Variants in CERS5 observed in about 807,000 individuals in gnomAD.
CERS5 encodes LAG1 homolog, ceramide synthase 5.
CERS5 carries 37 observed loss-of-function variants against 58.9 expected under a neutral mutation model. That is an observed-to-expected ratio of 0.63 (90% CI 0.48 to 0.83). The LOEUF is 0.83. Among genes scored for constraint, CERS5 ranks in the 40% least tolerant of loss-of-function variants. CERS5 has a pLI of 0.00. For synonymous variants in CERS5, 147 were observed against 177.8 expected (o/e 0.83, Z 1.38); for missense variants, 398 against 489.3 (o/e 0.81, Z 1.76).
chr12:50,131,446 C>A (rs1316646244), intron 9 of CERS5, among the ~76,000 whole-genome samples: 2 of 151,378 alleles, frequency 1.3e-5, no homozygotes, highest in Non-Finnish European at 2.9e-5. Context: ...GTAATCCCAG[C>A]TACTCAGGAG....
At chr12:50,157,035 A>C (rs552524519) in intron 1 of CERS5, among the ~76,000 whole-genome samples, 4 of 152,228 alleles carry the variant, frequency 2.6e-5, no homozygotes, top group Non-Finnish European at 5.9e-5. Context: ...AGCCACCCTT[A>C]ATCTGGGTGG....
At chr12:50,138,517 C>G in intron 5 of CERS5, 50 bp downstream of exon 5, 1 of 1,501,882 alleles carries the variant, frequency 6.7e-7, no homozygotes, top group South Asian at 1.1e-5. Context: ...CTCACTCACT[C>G]CACCTTATAC....
chr12:50,132,990 G>A (rs1238138977), intron 9 of CERS5: 2 of 1,288,974 alleles, frequency 1.6e-6, no homozygotes, highest in Non-Finnish European at 2.0e-6. Flanking sequence ...TCCAGCTCCC[G>A]CCAGGCATAG....
At chr12:50,133,839 C>A in intron 9 of CERS5, 1 of 822,770 alleles carries the variant, frequency 1.2e-6, no homozygotes, top group Non-Finnish European at 1.5e-6. Flanking sequence ...TTCGGGAGGC[C>A]AAGGTGGGCA....
At chr12:50,141,445 T>C (rs1951966433) in intron 4 of CERS5, among the ~76,000 whole-genome samples, 1 of 152,198 alleles carries the variant, frequency 6.6e-6, no homozygotes. Context: ...TTTCTCCTCC[T>C]TCAATTTTTG....
At chr12:50,147,025 A>G (rs1214082604) in intron 1 of CERS5, among the ~76,000 whole-genome samples, 1 of 152,174 alleles carries the variant, frequency 6.6e-6, no homozygotes, top group Non-Finnish European at 1.5e-5. Flanking sequence ...CTTACTGAAG[A>G]AAGTGAAATT....
chr12:50,143,194 T>G lies in CERS5; in HGVS notation c.314A>C (p.Lys105Thr). 1 of 1,614,112 alleles carries G rather than the reference T, an allele frequency of 6.2e-7. No homozygotes were observed. Among genetic ancestry groups the G allele is most frequent in the Middle Eastern group, 1.7e-4 (1 of 6,060 alleles). ...CTTTGACAGGCCCTCCAGCCTTTTCTTATCAGGATACTGTGAATGTATAAC... is the reference window on the plus strand; with the variant it reads ...CTTTGACAGGCCCTCCAGCCTTTTCGTATCAGGATACTGTGAATGTATAAC... The part of the protein sequence containing the change: ...VFISITKYPD[K>T]KRLEGLSKQL... The change falls in exon 3 of 10, where the codon AAG (lysine) becomes ACG (threonine). Residue 105 changes from lysine to threonine, a missense_variant. Physicochemically the swap from Lys to Thr is moderately conservative, Grantham distance 78. Coordinates refer to ENST00000317551, the MANE Select transcript of CERS5 (RefSeq NM_147190.5).
chr12:50,153,073 A>G (rs1229263890), intron 1 of CERS5, among the ~76,000 whole-genome samples: 1 of 151,730 alleles, frequency 6.6e-6, no homozygotes, highest in East Asian at 1.9e-4. Context: ...TTGTCTCAAA[A>G]TAATAATAAT....
At chr12:50,150,330 C>T (rs1377569359) in intron 1 of CERS5, among the ~76,000 whole-genome samples, 1 of 152,102 alleles carries the variant, frequency 6.6e-6, no homozygotes, top group East Asian at 1.9e-4. Context: ...CACTACACTC[C>T]AGCCTGGGTG....
intron 3 of CERS5, among the ~76,000 whole-genome samples, chr12:50,142,504 T>G (rs1952025955): frequency 1.4e-5 from 2 of 144,618 alleles, no homozygotes; most frequent in South Asian, 4.4e-4. Flanking sequence ...GAGCAGAGAC[T>G]GTGCCACTAC....
intron 1 of CERS5, among the ~76,000 whole-genome samples, chr12:50,149,205 T>A (rs1467570333): frequency 6.6e-6 from 1 of 152,060 alleles, no homozygotes; most frequent in Non-Finnish European, 1.5e-5. Context: ...TTCTCCAGGA[T>A]CAATCCACAT....
At chr12:50,135,068 G>A (rs1951557437) in intron 8 of CERS5, among the ~76,000 whole-genome samples, 1 of 147,588 alleles carries the variant, frequency 6.8e-6, no homozygotes, top group African/African-American at 2.5e-5. Flanking sequence ...CCATAGAGCA[G>A]TGAATGTAAA....
rs2293556 is a variant in CERS5, at chr12:50,130,081, A to G, written c.*464T>C. The G allele has an allele frequency of 1.8e-3, 273 of 153,754 alleles. 7 individuals are homozygous for G. The East Asian group carries it at 0.049, about 28-fold the overall frequency. 9.5% of individuals were successfully genotyped at this position (153,754 alleles called of 1,614,324 possible). ...CATATTCCAGCTGTGAAAGAGGAAC[A>G]GTACAGAAATGTGGGACTGAACTTG... On this transcript the variant is annotated 3_prime_UTR_variant, in exon 10 of 10. Transcript: ENST00000317551.
At chr12:50,155,895 G>A (rs1272553123) in intron 1 of CERS5, among the ~76,000 whole-genome samples, 1 of 151,410 alleles carries the variant, frequency 6.6e-6, no homozygotes, top group Non-Finnish European at 1.5e-5. Context: ...CTGTGGTCAG[G>A]AGTTTGAGAC....
intron 9 of CERS5, among the ~76,000 whole-genome samples, chr12:50,132,064 C>A (rs1951357390): frequency 6.6e-6 from 1 of 151,740 alleles, no homozygotes; most frequent in Admixed American, 6.6e-5. Context: ...ATGATTGCGC[C>A]ACTGTACTCC....
rs112374533 is a variant in CERS5 at position 50,159,304 on chromosome 12, C to A, written c.197+7797G>T. Reference sequence around the variant, plus strand: ...CCACTGCACTACAGCCTGGGCGACACAGGGCGAGACTCTGTCTCAAAAAAA... The same window carrying A: ...CCACTGCACTACAGCCTGGGCGACAAAGGGCGAGACTCTGTCTCAAAAAAA... On this transcript the variant is annotated intron_variant, in intron 1 of 9. Coordinates refer to ENST00000317551, the MANE Select transcript of CERS5 (RefSeq NM_147190.5). Among the ~76,000 whole-genome samples the A allele has an allele frequency of 6.6e-3, 1,003 of 152,194 alleles. 10 individuals are homozygous for A. The highest frequency in any genetic ancestry group is 0.011 in the Non-Finnish European group (732 of 68,014).
At chr12:50,130,811 A>C (rs964654940) in intron 9 of CERS5, 117 bp from the exon 10 acceptor site, 12 of 849,098 alleles carry the variant, frequency 1.4e-5, no homozygotes, top group Admixed American at 2.7e-5. Context: ...GATGACATCT[A>C]ACTCAAAGAA....
Position 50,130,295 on chromosome 12 carries a change from G to A in CERS5, c.*250C>T, listed in dbSNP as rs1023139880. On this transcript the variant is annotated 3_prime_UTR_variant, in exon 10 of 10. Coordinates refer to ENST00000317551, the MANE Select transcript of CERS5 (RefSeq NM_147190.5). ...CCCCAACCCCGGCAATGAAACTCAC[G>A]CATATGCACAAACGCACATCAACAA... 2.0e-5 allele frequency: 7 copies of A among 341,484 alleles called. No individual in the cohort carries two copies. The highest frequency in any genetic ancestry group is 1.3e-4 in the African/African-American group (6 of 47,266). 21.2% of individuals were successfully genotyped at this position (341,484 alleles called of 1,614,324 possible). A position where few individuals can be genotyped will look rare whatever the true frequency, so the allele number is the denominator to read the frequency against.
intron 1 of CERS5, chr12:50,144,612 T>C (rs1415982704): frequency 6.8e-6 from 3 of 439,574 alleles, no homozygotes; most frequent in Non-Finnish European, 1.2e-5. Context: ...GATACCTTCC[T>C]GCCTAACCAA....
Sources: allele counts gnomAD v4.1 joint callset (sites outside exome capture counted in the v4.1 genomes callset), GRCh38; gene constraint gnomAD v4.1.1; transcripts MANE v1.5; gene names NCBI Gene and HGNC (gene_info 2026-07-23, HGNC 2026-07-21).